Variants in PLCH1 observed in about 807,000 individuals in gnomAD.
The protein encoded by PLCH1 is phospholipase C eta 1, also known as 1-phosphatidylinositol 4,5-bisphosphate phosphodiesterase eta-1.
PLCH1 carries 60 observed loss-of-function variants against 126.7 expected under a neutral mutation model. That is an observed-to-expected ratio of 0.47 (90% confidence interval 0.38 to 0.59). PLCH1 has a LOEUF of 0.59. Ranked by LOEUF, PLCH1 falls within the 20% of genes least tolerant of loss-of-function variation. The probability of loss-of-function intolerance (pLI) is 0.00; values close to 1 mark genes in which losing one functional copy is unlikely to be tolerated. For missense variants in PLCH1, 1,723 were observed against 2,040.0 expected (o/e 0.84, Z 2.99); for synonymous variants, 719 against 734.9 (o/e 0.98, Z 0.35).
At chr3:155,518,782 C>T (rs1334394437) in intron 11 of PLCH1, among the ~76,000 whole-genome samples, 2 of 152,158 alleles carry the variant, frequency 1.3e-5, no homozygotes, top group Non-Finnish European at 2.9e-5. Flanking sequence ...CAGTATCACA[C>T]AGAATGCTCC....
At chr3:155,697,717 C>T (rs1429934444) in intron 2 of PLCH1, among the ~76,000 whole-genome samples, 2 of 152,110 alleles carry the variant, frequency 1.3e-5, no homozygotes, top group African/African-American at 4.8e-5. Context: ...TCCTCAGGGG[C>T]ACAGGAAGCT....
At chr3:155,691,762 T>G (rs370342356) in intron 2 of PLCH1, among the ~76,000 whole-genome samples, 13 of 152,258 alleles carry the variant, frequency 8.5e-5, no homozygotes, top group East Asian at 7.7e-4. Flanking sequence ...TTCATATTTC[T>G]TTCTGTGCCA....
At chr3:155,643,083 G>C (rs1307424302) in intron 2 of PLCH1, among the ~76,000 whole-genome samples, 2 of 152,058 alleles carry the variant, frequency 1.3e-5, no homozygotes, top group Non-Finnish European at 2.9e-5. Flanking sequence ...TGAGTAGCTG[G>C]GATTACAGGC....
At chr3:155,473,848 G>T (rs1713397973) in intron 21 of PLCH1, among the ~76,000 whole-genome samples, 1 of 151,388 alleles carries the variant, frequency 6.6e-6, no homozygotes. Flanking sequence ...TTTAATAAAT[G>T]GTGCTGGGAA....
chr3:155,617,168 T>C (rs1735892805), intron 2 of PLCH1, among the ~76,000 whole-genome samples: 1 of 152,172 alleles, frequency 6.6e-6, no homozygotes. Context: ...GTCAATTGTG[T>C]CTTTAACTGT....
intron 2 of PLCH1, among the ~76,000 whole-genome samples, chr3:155,632,292 C>T (rs571028484): frequency 2.0e-5 from 3 of 152,284 alleles, no homozygotes; most frequent in African/African-American, 7.2e-5. Context: ...CTTTCACACA[C>T]GCTACTCCCT....
At position 155,674,487 on chromosome 3, in the gene PLCH1, T is replaced by C. The variant is rs141845968; in HGVS notation, c.79+29659A>G. On this transcript the variant is annotated intron_variant, in intron 2 of 22. Coordinates refer to ENST00000460012, the MANE Select transcript of PLCH1 (RefSeq NM_014996.4). ...GATCTGCATAATTCAAGATGTTCCT[T>C]TTAAAATTGATCTGGAAATCAGAAG... Among the ~76,000 whole-genome samples, 1,158 of 152,308 alleles carry C rather than the reference T, an allele frequency of 7.6e-3. 12 individuals are homozygous for C. Among genetic ancestry groups the C allele is most frequent in the African/African-American group, 0.027 (1,106 of 41,578 alleles).
At chr3:155,501,253 T>C (rs1717846340) in intron 13 of PLCH1, among the ~76,000 whole-genome samples, 2 of 152,204 alleles carry the variant, frequency 1.3e-5, no homozygotes, top group African/African-American at 4.8e-5. Context: ...ATTTCTGCTT[T>C]TGATCAGTAT....
chr3:155,633,231 C>T (rs1738257791), intron 2 of PLCH1, among the ~76,000 whole-genome samples: 1 of 151,810 alleles, frequency 6.6e-6, no homozygotes, highest in African/African-American at 2.4e-5. Context: ...TATCATAGTC[C>T]AAGCATGGAG....
chr3:155,455,055 T>C (rs1344062174), intron 21 of PLCH1, among the ~76,000 whole-genome samples: 2 of 152,230 alleles, frequency 1.3e-5, no homozygotes, highest in Non-Finnish European at 2.9e-5. Context: ...TAGTTTTCTT[T>C]TCTCCTGAGA....
intron 2 of PLCH1, among the ~76,000 whole-genome samples, chr3:155,642,941 G>A (rs1007710143): frequency 2.6e-5 from 4 of 151,802 alleles, no homozygotes; most frequent in African/African-American, 9.7e-5. Context: ...TTTTTGGTTG[G>A]TTTTTTGTTT....
At chr3:155,728,847 G>A (rs949243590) in intron 1 of PLCH1, among the ~76,000 whole-genome samples, 2 of 152,080 alleles carry the variant, frequency 1.3e-5, no homozygotes, top group African/African-American at 4.8e-5. Flanking sequence ...ATGAATATTT[G>A]GTAATTAGAT....
intron 2 of PLCH1, among the ~76,000 whole-genome samples, chr3:155,641,963 A>C (rs1436967159): frequency 6.6e-6 from 1 of 152,184 alleles, no homozygotes; most frequent in East Asian, 1.9e-4. Flanking sequence ...CATACTAAAA[A>C]ATGGATCAAG....
chr3:155,621,176 T>C (rs1236979120), intron 2 of PLCH1, among the ~76,000 whole-genome samples: 1 of 152,178 alleles, frequency 6.6e-6, no homozygotes, highest in Non-Finnish European at 1.5e-5. Context: ...GGGGCCTGAC[T>C]GTTAGAAGGA....
At chr3:155,725,654 G>C (rs1748266685) in intron 1 of PLCH1, among the ~76,000 whole-genome samples, 1 of 152,034 alleles carries the variant, frequency 6.6e-6, no homozygotes, top group African/African-American at 2.4e-5. Flanking sequence ...TGGCCGGGCT[G>C]GTCTTGAACT....
intron 2 of PLCH1, among the ~76,000 whole-genome samples, chr3:155,630,452 G>A (rs1737895418): frequency 6.6e-6 from 1 of 152,188 alleles, no homozygotes; most frequent in South Asian, 2.1e-4. Flanking sequence ...CCAGCTGGCT[G>A]CAAACTTATC....
At chr3:155,665,518 G>A (rs1020814307) in intron 2 of PLCH1, among the ~76,000 whole-genome samples, 1 of 152,122 alleles carries the variant, frequency 6.6e-6, no homozygotes, top group African/African-American at 2.4e-5. Context: ...AGGAGAGGAG[G>A]CAAAGATAAG....
chr3:155,560,314 A>C (rs1474732596), intron 8 of PLCH1, among the ~76,000 whole-genome samples: 5 of 152,208 alleles, frequency 3.3e-5, no homozygotes, highest in African/African-American at 1.2e-4. Flanking sequence ...AAACTTGTTG[A>C]GTGCTAAGCA....
At position 155,735,080 on chromosome 3, in the gene PLCH1, G is replaced by A. The variant is rs79241265; in HGVS notation, c.-41+9760C>T. ...ATCATTTGCAACATGGATGAACCTG[G>A]AGGACATTATGGTAAATGAAGTAAG... is the stretch of plus-strand genomic sequence containing the variant. On this transcript the variant is annotated intron_variant, in intron 1 of 22. Coordinates refer to ENST00000460012, the MANE Select transcript of PLCH1 (RefSeq NM_014996.4). Among the ~76,000 whole-genome samples the A allele has an allele frequency of 5.5e-3, 835 of 152,218 alleles. 9 individuals are homozygous for A. The highest frequency in any genetic ancestry group is 0.019 in the African/African-American group (799 of 41,532).
Sources: allele counts gnomAD v4.1 joint callset (sites outside exome capture counted in the v4.1 genomes callset), GRCh38; gene constraint gnomAD v4.1.1; transcripts MANE v1.5; gene names NCBI Gene and HGNC (gene_info 2026-07-23, HGNC 2026-07-21).